Variants in SGCZ observed in about 807,000 individuals in gnomAD.
SGCZ encodes zeta-sarcoglycan.
A neutral mutation model predicts 41.3 loss-of-function variants in SGCZ; 40 were observed. That is an observed-to-expected ratio of 0.97 (90% CI 0.75 to 1.26). The LOEUF (loss-of-function observed/expected upper bound fraction) is 1.26, where lower values mean the gene tolerates loss of function less well. Ranked by LOEUF, SGCZ falls within the 50% of genes most tolerant of loss-of-function variation. The pLI is 0.00. For synonymous variants in SGCZ, 206 were observed against 137.5 expected (o/e 1.50, Z -3.49); for missense variants, 552 against 369.8 (o/e 1.49, Z -4.04).
intron 1 of SGCZ, among the ~76,000 whole-genome samples, chr8:14,739,491 G>C (rs1485454810): frequency 6.6e-6 from 1 of 152,014 alleles, no homozygotes; most frequent in East Asian, 1.9e-4. Flanking sequence ...GGAATATAGA[G>C]TTTACATATT....
At chr8:14,622,428 T>G (rs1272057552) in intron 1 of SGCZ, among the ~76,000 whole-genome samples, 1 of 152,196 alleles carries the variant, frequency 6.6e-6, no homozygotes, top group Admixed American at 6.6e-5. Context: ...CCAAGTGTGA[T>G]ATTCTTCAAT....
At chr8:15,008,413 A>G (rs999456119) in intron 1 of SGCZ, among the ~76,000 whole-genome samples, 1 of 151,402 alleles carries the variant, frequency 6.6e-6, no homozygotes, top group East Asian at 1.9e-4. Context: ...ATATAACCAC[A>G]ATTAGGAAAA....
chr8:14,245,141 G>A (rs1398497785), intron 3 of SGCZ, among the ~76,000 whole-genome samples: 3 of 152,182 alleles, frequency 2.0e-5, no homozygotes, highest in Non-Finnish European at 4.4e-5. Flanking sequence ...TTGAAGAGGA[G>A]TGGTGAGAAA....
At chr8:14,481,124 C>A (rs1343360721) in intron 2 of SGCZ, among the ~76,000 whole-genome samples, 2 of 151,756 alleles carry the variant, frequency 1.3e-5, no homozygotes, top group Admixed American at 6.6e-5. Context: ...TACAAATAAC[C>A]CAATTAAATA....
At chr8:14,809,508 T>C (rs1450858574) in intron 1 of SGCZ, among the ~76,000 whole-genome samples, 1 of 152,136 alleles carries the variant, frequency 6.6e-6, no homozygotes, top group African/African-American at 2.4e-5. Context: ...GGTATGGTAA[T>C]AAAAATTACC....
intron 1 of SGCZ, among the ~76,000 whole-genome samples, chr8:14,903,609 T>A (rs1183592832): frequency 6.6e-6 from 1 of 151,998 alleles, no homozygotes; most frequent in East Asian, 1.9e-4. Context: ...ATTAGAAAAG[T>A]TTCAGTCACT....
At chr8:14,868,877 A>G (rs1804035463) in intron 1 of SGCZ, among the ~76,000 whole-genome samples, 1 of 152,134 alleles carries the variant, frequency 6.6e-6, no homozygotes, top group South Asian at 2.1e-4. Context: ...CACCCTCCCA[A>G]GGCTAAACCA....
At chr8:14,789,775 C>G (rs1314140751) in intron 1 of SGCZ, among the ~76,000 whole-genome samples, 1 of 152,064 alleles carries the variant, frequency 6.6e-6, no homozygotes, top group Non-Finnish European at 1.5e-5. Flanking sequence ...ACCAGTTAGT[C>G]CAACTATTTT....
chr8:14,423,693 C>T (rs1469292810), intron 2 of SGCZ, among the ~76,000 whole-genome samples: 3 of 152,140 alleles, frequency 2.0e-5, no homozygotes, highest in Non-Finnish European at 4.4e-5. Context: ...GTATTACAGG[C>T]GTAAGCCACT....
chr8:14,366,350 A>C (rs888280627), intron 2 of SGCZ, among the ~76,000 whole-genome samples: 1 of 152,164 alleles, frequency 6.6e-6, no homozygotes, highest in Non-Finnish European at 1.5e-5. Flanking sequence ...TAAGCACAGG[A>C]AAAACTACCA....
chr8:14,721,363 A>C (rs1809881156), intron 1 of SGCZ, among the ~76,000 whole-genome samples: 1 of 152,194 alleles, frequency 6.6e-6, no homozygotes, highest in Admixed American at 6.5e-5. Context: ...AAAGAGCTCA[A>C]TCTAGATATC....
intron 3 of SGCZ, among the ~76,000 whole-genome samples, chr8:14,238,452 T>C (rs908112890): frequency 2.0e-5 from 3 of 152,226 alleles, no homozygotes; most frequent in Non-Finnish European, 4.4e-5. Flanking sequence ...CAAGGAAGTA[T>C]ATACAATATC....
Position 14,256,553 on chromosome 8 carries a change from G to C in SGCZ, c.337-18874C>G, listed in dbSNP as rs887113079. On this transcript the variant is annotated intron_variant, in intron 3 of 7. Transcript: ENST00000382080. ...ACTATGAGTTTTTGATGTTCAGTTG[G>C]AATTACTCTCTCTTTCTCCTCCCTG... Among the ~76,000 whole-genome samples the C allele has an allele frequency of 3.6e-5, 5 of 138,226 alleles. No homozygotes were observed. In the East Asian group the frequency reaches 1.3e-3, roughly 36 times the overall value. The allele number at this position is 138,226 out of a possible 152,430, so 90.7% of individuals were successfully genotyped here. A position where few individuals can be genotyped will look rare whatever the true frequency, so the allele number is the denominator to read the frequency against.
chr8:15,084,970 T>G (rs899220138), intron 1 of SGCZ, among the ~76,000 whole-genome samples: 5 of 152,164 alleles, frequency 3.3e-5, no homozygotes, highest in Admixed American at 3.3e-4. Context: ...TATAATTCAG[T>G]GGCAATAATT....
intron 1 of SGCZ, among the ~76,000 whole-genome samples, chr8:14,907,980 T>C (rs575332782): frequency 1.3e-5 from 2 of 152,124 alleles, no homozygotes; most frequent in Non-Finnish European, 2.9e-5. Flanking sequence ...CAAGGAAAAA[T>C]TACATATTAG....
chr8:14,164,513 A>C (rs1040545475), intron 5 of SGCZ, 67 bp downstream of exon 5: 5 of 1,579,652 alleles, frequency 3.2e-6, no homozygotes, highest in Non-Finnish European at 4.3e-6. Context: ...CTTATTAAGA[A>C]GCTCCTTGTG....
chr8:14,142,600 G>A (rs2116928521), intron 5 of SGCZ, among the ~76,000 whole-genome samples: 1 of 152,226 alleles, frequency 6.6e-6, no homozygotes, highest in South Asian at 2.1e-4. Context: ...TTTCAGGTGT[G>A]GCTGGGGAGG....
intron 2 of SGCZ, among the ~76,000 whole-genome samples, chr8:14,517,867 T>C (rs998494617): frequency 2.6e-5 from 4 of 151,860 alleles, no homozygotes; most frequent in African/African-American, 9.7e-5. Context: ...TATCATATTT[T>C]TAAATCTCTT....
At chr8:14,770,314 G>T (rs921594433) in intron 1 of SGCZ, among the ~76,000 whole-genome samples, 2 of 151,388 alleles carry the variant, frequency 1.3e-5, no homozygotes, top group Non-Finnish European at 2.9e-5. Flanking sequence ...CCTTCAATTT[G>T]CTAATACAGA....
Sources: allele counts gnomAD v4.1 joint callset (sites outside exome capture counted in the v4.1 genomes callset), GRCh38; gene constraint gnomAD v4.1.1; transcripts MANE v1.5; gene names NCBI Gene and HGNC (gene_info 2026-07-23, HGNC 2026-07-21).